The following CCDC3 variants were observed in gnomAD, a reference collection of about 807,000 sequenced individuals.
CCDC3 encodes the protein coiled-coil domain-containing protein 3.
A neutral mutation model predicts 21.4 loss-of-function variants in CCDC3; 24 were observed. The ratio of observed to expected loss-of-function variants is 1.12; its 90% CI spans 0.81 to 1.58. The LOEUF (loss-of-function observed/expected upper bound fraction) is 1.58, where lower values mean the gene tolerates loss of function less well. Among genes scored for constraint, CCDC3 ranks in the 40% most tolerant of loss-of-function variants. The probability of loss-of-function intolerance (pLI) is 0.00; values close to 1 mark genes in which losing one functional copy is unlikely to be tolerated. For synonymous variants in CCDC3, 186 were observed against 166.0 expected, an observed-to-expected ratio of 1.12 and a Z score of -0.93; for missense variants, 425 against 360.9, an observed-to-expected ratio of 1.18 and a Z score of -1.44.
In CCDC3 at chr10:13,001,403, G is replaced by A; in HGVS notation, c.168C>T (p.Pro56=). The A allele has an allele frequency of 1.3e-6, 2 of 1,564,454 alleles. No homozygotes were observed. Among genetic ancestry groups the A allele is most frequent in the Non-Finnish European group, 1.7e-6 (2 of 1,155,418 alleles). ...ARVLALHPEA[P]GLYNHLPWQY... is the part of the protein sequence containing the mutation. ...GCCAGGGCAGGTGGTTGTAGAGGCC[G>A]GGCGCCTCGGGGTGCAGCGCCAGCA... is the stretch of plus-strand genomic sequence containing the variant. Residue 56 remains proline (P), a synonymous_variant, in exon 1 of 3, where the codon CCC becomes CCT. Transcript: ENST00000378825.
chr10:13,066,530 T>G (rs1309133624), intron 4 of CCDC3, among the ~76,000 whole-genome samples: 2 of 152,242 alleles, frequency 1.3e-5, no homozygotes, highest in African/African-American at 4.8e-5. Context: ...TGTTTAGTTT[T>G]GGGCACCAGT....
intron 2 of CCDC3, among the ~76,000 whole-genome samples, chr10:12,933,910 TTGA>T (rs1834693692): frequency 2.6e-5 from 4 of 152,152 alleles, no homozygotes; most frequent in Non-Finnish European, 5.9e-5. Context: ...ATCAGCTCTT[TTGA>T]TTATTTTCTG....
At chr10:13,096,330 C>T (rs111893923) in intron 3 of CCDC3, among the ~76,000 whole-genome samples, 134 of 152,184 alleles carry the variant, frequency 8.8e-4, no homozygotes, top group African/African-American at 3.1e-3. Flanking sequence ...ATTACAGGCA[C>T]GCACCACTAC....
chr10:13,094,172 T>C (rs1832606238), intron 3 of CCDC3, among the ~76,000 whole-genome samples: 1 of 152,154 alleles, frequency 6.6e-6, no homozygotes. Flanking sequence ...TTCTTATCTA[T>C]TATTTACAGA....
At chr10:13,037,044 C>T (rs1836386703) in intron 5 of CCDC3, among the ~76,000 whole-genome samples, 1 of 152,142 alleles carries the variant, frequency 6.6e-6, no homozygotes, top group South Asian at 2.1e-4. Context: ...CTCAGCCTCC[C>T]AAAGTGCCAG....
At chr10:13,049,813 TGTTAA>T (rs1184736547) in exon 5 of CCDC3, 1 of 152,074 alleles carries the variant, frequency 6.6e-6, no homozygotes, top group African/African-American at 2.4e-5. Flanking sequence ...AGGGCGGGTG[TGTTAA>T]GTTCTTATTA....
In CCDC3 at chr10:13,090,999, C is replaced by T. The variant is rs746159438; in HGVS notation, c.-503+7526G>A. ...AAACCACTGCAGTAAGTCCTAGAGT[C>T]CAAGGGCCGAAGAACTTGGAGTCTG... On this transcript the variant is annotated intron_variant, in intron 3 of 6. Transcript: ENST00000378839. 4.3e-4 allele frequency among the ~76,000 whole-genome samples: 66 copies of T among 152,280 alleles called. 1 individual carries two copies. The highest frequency in any genetic ancestry group is 1.4e-3 in the Admixed American group (22 of 15,292).
At chr10:13,040,470 CA>C (rs1836438791) in intron 5 of CCDC3, among the ~76,000 whole-genome samples, 1 of 151,992 alleles carries the variant, frequency 6.6e-6, no homozygotes, top group South Asian at 2.1e-4. Flanking sequence ...TTTAGGAGGC[CA>C]AGGCAGGTGG....
chr10:13,015,125 G>T lies in CCDC3; in HGVS notation c.-1-16613C>A, dbSNP rs562704840. Among the ~76,000 whole-genome samples the T allele has an allele frequency of 3.3e-4, 50 of 152,130 alleles. 1 individual carries two copies. The highest frequency in any genetic ancestry group is 1.2e-3 in the African/African-American group (50 of 41,524). On this transcript the variant is annotated intron_variant, in intron 5 of 6. Transcript: ENST00000378839. ...ATGAATGAGCTGTAGGCCCATGATG[G>T]GTTCTTGGGGTGCTGGGTTGACTTC...
intron 2 of CCDC3, among the ~76,000 whole-genome samples, chr10:12,987,489 A>C (rs1835614408): frequency 6.6e-6 from 1 of 152,188 alleles, no homozygotes; most frequent in Non-Finnish European, 1.5e-5. Context: ...AAACCACAGT[A>C]GGTATATTAT....
chr10:12,942,483 T>C (rs1834848285), intron 2 of CCDC3, among the ~76,000 whole-genome samples: 1 of 152,196 alleles, frequency 6.6e-6, no homozygotes, highest in African/African-American at 2.4e-5. Flanking sequence ...GCTGGAAGCT[T>C]GCACGGGTGA....
intron 5 of CCDC3, among the ~76,000 whole-genome samples, chr10:13,023,203 TTTGAC>T (rs1435178125): frequency 6.6e-6 from 1 of 152,194 alleles, no homozygotes; most frequent in Non-Finnish European, 1.5e-5. Context: ...TAGCCTCCTG[TTTGAC>T]TTATCTACTG....
chr10:12,968,372 C>T (rs1176542210), intron 2 of CCDC3, among the ~76,000 whole-genome samples: 1 of 152,080 alleles, frequency 6.6e-6, no homozygotes, highest in Admixed American at 6.6e-5. Flanking sequence ...ACTTGTCAAC[C>T]AAGAACACTG....
rs1338231807 is a variant in CCDC3 at position 12,962,848 on chromosome 10, A to AC, written c.549+35489_549+35490insG. Among the ~76,000 whole-genome samples, 11 of 152,270 alleles carry AC rather than the reference A, an allele frequency of 7.2e-5. No homozygotes were observed. The South Asian group carries it at 2.1e-3, about 29-fold the overall frequency. ...AACATAGATCAGGAAGGTTATTTTTATTTATAGCTAAAAGCTTAGGAAGCC... is the reference window on the plus strand; with the variant it reads ...AACATAGATCAGGAAGGTTATTTTTACTTTATAGCTAAAAGCTTAGGAAGCC... On this transcript the variant is annotated intron_variant, in intron 2 of 2. Transcript: ENST00000378825.
At chr10:12,899,022 G>A (rs1834053471) in intron 2 of CCDC3, among the ~76,000 whole-genome samples, 1 of 152,208 alleles carries the variant, frequency 6.6e-6, no homozygotes, top group South Asian at 2.1e-4. Flanking sequence ...GCACACAGAA[G>A]GTGGACAGTT....
chr10:12,956,483 C>A (rs1211824114), intron 2 of CCDC3, among the ~76,000 whole-genome samples: 1 of 152,180 alleles, frequency 6.6e-6, no homozygotes, highest in Non-Finnish European at 1.5e-5. Context: ...CGATTTTGTT[C>A]ACCCTCCTCA....
At chr10:13,061,909 G>A (rs1468321259) in intron 4 of CCDC3, among the ~76,000 whole-genome samples, 1 of 151,984 alleles carries the variant, frequency 6.6e-6, no homozygotes, top group African/African-American at 2.4e-5. Context: ...GGATTGGGAG[G>A]GCCTGGAAGA....
rs114348609 is a variant in CCDC3 at position 12,960,381 on chromosome 10, G to A, written c.549+37957C>T. 6.9e-3 allele frequency among the ~76,000 whole-genome samples: 1,048 copies of A among 152,268 alleles called. 10 individuals carry two copies. The highest frequency in any genetic ancestry group is 0.024 in the African/African-American group (995 of 41,542). On this transcript the variant is annotated intron_variant, in intron 2 of 2. Transcript: ENST00000378825. ...GGGGAGAAAAGCCAGGACAGAGAAAGACGGAGGCGGGAGAGAGACAGTCTG... is the reference window on the plus strand; with the variant it reads ...GGGGAGAAAAGCCAGGACAGAGAAAAACGGAGGCGGGAGAGAGACAGTCTG...
chr10:12,927,402 A>G (rs1834560235), intron 2 of CCDC3, among the ~76,000 whole-genome samples: 2 of 152,236 alleles, frequency 1.3e-5, no homozygotes, highest in Non-Finnish European at 2.9e-5. Flanking sequence ...ATACTAGCTA[A>G]TACTCAGTAC....
Sources: allele counts gnomAD v4.1 joint callset (sites outside exome capture counted in the v4.1 genomes callset), GRCh38; gene constraint gnomAD v4.1.1; transcripts MANE v1.5; gene names NCBI Gene and HGNC (gene_info 2026-07-23, HGNC 2026-07-21).